SNTB2: variants seen among roughly 807,000 people sequenced by gnomAD.
SNTB2 encodes the protein syntrophin beta 2, also known as beta-2-syntrophin.
Under a neutral mutation model 46.2 loss-of-function variants are expected in SNTB2, and 34 were observed. The ratio of observed to expected loss-of-function variants is 0.74; its 90% CI spans 0.56 to 0.98. The LOEUF is 0.98. Among genes scored for constraint, SNTB2 ranks in the 50% least tolerant of loss-of-function variants. SNTB2 has a pLI of 0.00. For synonymous variants in SNTB2, 290 were observed against 312.6 expected (o/e 0.93, Z 0.76); for missense variants, 603 against 731.4 (o/e 0.82, Z 2.02).
At chr16:69,291,785 G>C (rs1965161287) in intron 5 of SNTB2, among the ~76,000 whole-genome samples, 1 of 152,060 alleles carries the variant, frequency 6.6e-6, no homozygotes, top group East Asian at 1.9e-4. Context: ...GAAAAATTTT[G>C]AAAGTTAGCC....
At chr16:69,221,948 C>T (rs561149259) in intron 1 of SNTB2, among the ~76,000 whole-genome samples, 55 of 152,318 alleles carry the variant, frequency 3.6e-4, no homozygotes, top group African/African-American at 1.3e-3. Context: ...ACAAAACCTA[C>T]TGAAGCCTCT....
chr16:69,229,370 A>C (rs904550282), intron 1 of SNTB2, among the ~76,000 whole-genome samples: 2 of 150,980 alleles, frequency 1.3e-5, no homozygotes, highest in African/African-American at 4.9e-5. Flanking sequence ...GGATTTTGCC[A>C]TGTTGCCCAG....
intron 5 of SNTB2, among the ~76,000 whole-genome samples, chr16:69,294,342 T>C (rs1296235854): frequency 6.6e-6 from 1 of 151,972 alleles, no homozygotes; most frequent in Non-Finnish European, 1.5e-5. Context: ...TAAAGTTACA[T>C]CATGCTTGTA....
intron 1 of SNTB2, among the ~76,000 whole-genome samples, chr16:69,190,600 A>G (rs1964040215): frequency 6.6e-6 from 1 of 152,216 alleles, no homozygotes; most frequent in Non-Finnish European, 1.5e-5. Context: ...ATATAGGTCC[A>G]TCATGGGAAT....
chr16:69,208,293 C>T (rs887627550), intron 1 of SNTB2, among the ~76,000 whole-genome samples: 3 of 151,730 alleles, frequency 2.0e-5, no homozygotes, highest in Non-Finnish European at 4.4e-5. Context: ...GTAATCCCAG[C>T]TACTAGGGAG....
intron 1 of SNTB2, among the ~76,000 whole-genome samples, chr16:69,238,677 C>T (rs577384306): frequency 8.5e-5 from 13 of 152,104 alleles, no homozygotes; most frequent in Non-Finnish European, 1.6e-4. Context: ...GAACGCTATC[C>T]TTCTAGCCTT....
chr16:69,236,322 C>G (rs1255961780), intron 1 of SNTB2, among the ~76,000 whole-genome samples: 1 of 152,014 alleles, frequency 6.6e-6, no homozygotes, highest in Non-Finnish European at 1.5e-5. Flanking sequence ...GACAATCAAC[C>G]TGGTAACCTT....
chr16:69,272,433 G>A (rs1354361135), intron 4 of SNTB2, among the ~76,000 whole-genome samples: 1 of 151,206 alleles, frequency 6.6e-6, no homozygotes, highest in Non-Finnish European at 1.5e-5. Flanking sequence ...CCAGCTACTC[G>A]GGAGGCTGAG....
chr16:69,220,230 C>T (rs1375639526), intron 1 of SNTB2, among the ~76,000 whole-genome samples: 2 of 130,778 alleles, frequency 1.5e-5, no homozygotes, highest in African/African-American at 3.0e-5. Context: ...GGCATGATCT[C>T]GGCTCACTGC....
intron 4 of SNTB2, among the ~76,000 whole-genome samples, chr16:69,274,715 G>A (rs367564257): frequency 1.3e-5 from 2 of 151,060 alleles, no homozygotes; most frequent in East Asian, 3.9e-4. Context: ...TGTAATCCCA[G>A]CTTCTTGGGA....
intron 1 of SNTB2, among the ~76,000 whole-genome samples, chr16:69,193,600 A>AT (rs1165476188): frequency 1.3e-5 from 2 of 152,120 alleles, no homozygotes; most frequent in Non-Finnish European, 2.9e-5. Flanking sequence ...AAGTGCTGGG[A>AT]TTACAGGTGT....
At chr16:69,299,531 T>C (rs1965259588) in intron 5 of SNTB2, 59 bp from the exon 6 acceptor site, 1 of 1,530,834 alleles carries the variant, frequency 6.5e-7, no homozygotes, top group Non-Finnish European at 9.0e-7. Flanking sequence ...AGATTCCCTT[T>C]TCACTTGATA....
chr16:69,275,256 G>A (rs1410380567), intron 4 of SNTB2, among the ~76,000 whole-genome samples: 1 of 152,056 alleles, frequency 6.6e-6, no homozygotes, highest in African/African-American at 2.4e-5. Flanking sequence ...ATGGAGGTGA[G>A]GTCTTGCTGT....
chr16:69,198,851 CTG>C (rs1964132373), intron 1 of SNTB2, among the ~76,000 whole-genome samples: 1 of 151,076 alleles, frequency 6.6e-6, no homozygotes, highest in Non-Finnish European at 1.5e-5. Context: ...TATGAACTGA[CTG>C]TACGCAAATG....
intron 1 of SNTB2, among the ~76,000 whole-genome samples, chr16:69,236,686 AAAGCAGC>A (rs1010236948): frequency 6.6e-6 from 1 of 151,938 alleles, no homozygotes; most frequent in Non-Finnish European, 1.5e-5. Context: ...AAAAAAAAAA[AAAGCAGC>A]AGCAGCAGCA....
intron 5 of SNTB2, among the ~76,000 whole-genome samples, chr16:69,295,041 G>T: frequency 6.6e-6 from 1 of 151,732 alleles, no homozygotes; most frequent in African/African-American, 2.4e-5. Flanking sequence ...GGCTGATCTC[G>T]AACTCCTGAG....
At position 69,307,432 on chromosome 16, in the gene SNTB2, G is replaced by A. The variant is rs1291619920; in HGVS notation, c.*6508G>A. The A allele has an allele frequency of 2.0e-5, 3 of 152,058 alleles. No individual in the cohort carries two copies. Among genetic ancestry groups the A allele is most frequent in the Admixed American group, 6.5e-5 (1 of 15,272 alleles). 9.4% of individuals were successfully genotyped at this position (152,058 alleles called of 1,614,324 possible). Reference sequence around the variant, plus strand: ...AGTTTGGGAAAGAGAACAGTATACAGTATCCTTTGTAAGATAAATCACAAC... The same window carrying A: ...AGTTTGGGAAAGAGAACAGTATACAATATCCTTTGTAAGATAAATCACAAC... On this transcript the variant is annotated 3_prime_UTR_variant, in exon 7 of 7. Transcript: ENST00000336278.
chr16:69,251,876 A>G (rs1381549143), intron 2 of SNTB2, among the ~76,000 whole-genome samples: 2 of 152,218 alleles, frequency 1.3e-5, no homozygotes, highest in Non-Finnish European at 2.9e-5. Flanking sequence ...ACCTGAGGTC[A>G]GGAGTTTGAG....
intron 2 of SNTB2, among the ~76,000 whole-genome samples, chr16:69,258,447 C>T (rs1354626922): frequency 6.6e-6 from 1 of 151,890 alleles, no homozygotes; most frequent in African/African-American, 2.4e-5. Context: ...TTTTGAAATA[C>T]AGATTGCTCT....
Sources: allele counts gnomAD v4.1 joint callset (sites outside exome capture counted in the v4.1 genomes callset), GRCh38; gene constraint gnomAD v4.1.1; transcripts MANE v1.5; gene names NCBI Gene and HGNC (gene_info 2026-07-23, HGNC 2026-07-21).